KIF16B: variants seen among roughly 807,000 people sequenced by gnomAD.
The protein encoded by KIF16B is kinesin-like protein KIF16B.
In KIF16B, 98 loss-of-function variants were observed where a neutral mutation model predicts 156.3. That is an observed-to-expected ratio of 0.63 (90% CI 0.53 to 0.74). The LOEUF (loss-of-function observed/expected upper bound fraction) is 0.74, where lower values mean the gene tolerates loss of function less well. Among genes scored for constraint, KIF16B ranks in the 30% least tolerant of loss-of-function variants. KIF16B has a pLI of 0.00. For missense variants in KIF16B, 1,421 were observed against 1,606.5 expected (o/e 0.88, Z 1.97); for synonymous variants, 564 against 583.7 (o/e 0.97, Z 0.49).
At position 16,336,368 on chromosome 20, in the gene KIF16B, A is replaced by C. The variant is rs1403622063; in HGVS notation, c.3622-353T>G. Among the ~76,000 whole-genome samples, 3 of 152,348 alleles carry C rather than the reference A, an allele frequency of 2.0e-5. No homozygotes were observed. In the East Asian group the frequency reaches 5.8e-4, roughly 29 times the overall value. ...TCACTGCCTCTCAGTCATTGTTAGTATAATAACACAACAGTATATTTTGCT... is the reference window on the plus strand; with the variant it reads ...TCACTGCCTCTCAGTCATTGTTAGTCTAATAACACAACAGTATATTTTGCT... On this transcript the variant is annotated intron_variant, in intron 23 of 25. Coordinates refer to ENST00000354981, the MANE Select transcript of KIF16B (RefSeq NM_024704.5).
At chr20:16,325,377 A>AT (rs35342627) in intron 24 of KIF16B, among the ~76,000 whole-genome samples, 149,663 of 152,164 alleles carry the variant, frequency 0.98, 73,611 homozygotes, top group East Asian at 1. Flanking sequence ...ACTGTTCACG[A>AT]GATATAATTG....
rs148978909 is a variant in KIF16B at position 16,452,865 on chromosome 20, G to A, written c.1303-22883C>T. Reference sequence around the variant, plus strand: ...AAAAAAAGAAAGAAAAAAAGAAAATGCACAGAACTCAGGAAGGATGAAAAA... The same window carrying A: ...AAAAAAAGAAAGAAAAAAAGAAAATACACAGAACTCAGGAAGGATGAAAAA... On this transcript the variant is annotated intron_variant, in intron 12 of 25. Coordinates refer to ENST00000354981, the MANE Select transcript of KIF16B (RefSeq NM_024704.5). 2.6e-3 allele frequency among the ~76,000 whole-genome samples: 385 copies of A among 150,908 alleles called. 2 individuals are homozygous for A. The highest frequency in any genetic ancestry group is 8.7e-3 in the African/African-American group (359 of 41,160).
chr20:16,568,103 A>AGTAG (rs2071326862), intron 1 of KIF16B, among the ~76,000 whole-genome samples: 3 of 152,154 alleles, frequency 2.0e-5, no homozygotes, highest in Non-Finnish European at 4.4e-5. Flanking sequence ...TTTTTAAAAG[A>AGTAG]GGAAGACGTC....
intron 24 of KIF16B, among the ~76,000 whole-genome samples, chr20:16,317,876 G>A (rs944512991): frequency 2.0e-5 from 3 of 152,212 alleles, no homozygotes; most frequent in Non-Finnish European, 2.9e-5. Flanking sequence ...GCGAGCAGGG[G>A]CTGTGAGAGG....
chr20:16,430,052 C>T (rs2066458164), intron 12 of KIF16B, 70 bp from the exon 13 acceptor site: 1 of 1,423,764 alleles, frequency 7.0e-7, no homozygotes, highest in Non-Finnish European at 9.4e-7. Flanking sequence ...AGGTGTTCTT[C>T]AGATTGTCAG....
At chr20:16,362,790 T>C (rs772247552) in intron 22 of KIF16B, among the ~76,000 whole-genome samples, 8 of 152,216 alleles carry the variant, frequency 5.3e-5, no homozygotes, top group East Asian at 1.9e-4. Context: ...AGGAACAAAA[T>C]ATGAGCAAGA....
At chr20:16,485,386 T>C (rs1412032259) in intron 12 of KIF16B, among the ~76,000 whole-genome samples, 1 of 152,196 alleles carries the variant, frequency 6.6e-6, no homozygotes, top group African/African-American at 2.4e-5. Context: ...TTCTCAAAAA[T>C]GGGAGAACAA....
intron 1 of KIF16B, among the ~76,000 whole-genome samples, chr20:16,571,699 G>A (rs935278693): frequency 3.3e-5 from 5 of 151,258 alleles, no homozygotes; most frequent in Admixed American, 1.3e-4. Flanking sequence ...GCACGGTGTC[G>A]GCTCACTGCC....
At chr20:16,435,163 C>A (rs1266276609) in intron 12 of KIF16B, among the ~76,000 whole-genome samples, 1 of 152,160 alleles carries the variant, frequency 6.6e-6, no homozygotes, top group Non-Finnish European at 1.5e-5. Context: ...AACATAATCA[C>A]AGTGCATATA....
At chr20:16,330,691 A>G (rs2063932723) in intron 24 of KIF16B, among the ~76,000 whole-genome samples, 1 of 152,194 alleles carries the variant, frequency 6.6e-6, no homozygotes, top group East Asian at 1.9e-4. Context: ...GGTAAAAATG[A>G]CACCCCTGAC....
At chr20:16,538,450 T>C (rs1288732670) in intron 1 of KIF16B, among the ~76,000 whole-genome samples, 1 of 152,184 alleles carries the variant, frequency 6.6e-6, no homozygotes, top group African/African-American at 2.4e-5. Context: ...CTGGCCACTT[T>C]GGTGAATTGG....
At chr20:16,418,624 G>T (rs973193479) in intron 15 of KIF16B, among the ~76,000 whole-genome samples, 33 of 152,130 alleles carry the variant, frequency 2.2e-4, no homozygotes, top group Admixed American at 2.0e-3. Context: ...TCTACAGGGT[G>T]CACAGTGAAT....
intron 21 of KIF16B, 128 bp downstream of exon 21, chr20:16,371,537 C>A: frequency 1.7e-6 from 1 of 593,638 alleles, no homozygotes. Context: ...TTGCAGTGAG[C>A]CAAGATGGTG....
At chr20:16,446,520 A>G (rs570896698) in intron 12 of KIF16B, among the ~76,000 whole-genome samples, 1 of 152,326 alleles carries the variant, frequency 6.6e-6, no homozygotes, top group Non-Finnish European at 1.5e-5. Flanking sequence ...GCATCCTTAC[A>G]TGCCTTGATA....
At position 16,503,953 on chromosome 20, in the gene KIF16B, T is replaced by C. The variant is rs984103912; in HGVS notation, c.1176+419A>G. Among the ~76,000 whole-genome samples the C allele has an allele frequency of 2.0e-5, 3 of 152,222 alleles. No individual in the cohort carries two copies. The East Asian group carries it at 5.8e-4, about 29-fold the overall frequency. On this transcript the variant is annotated intron_variant, in intron 10 of 25. Transcript: ENST00000354981. ...AGAACCACCTCTCTAATAGGTGATA[T>C]GACACAGGCATTCAGAAAGGTGTTC...
rs12625709 is a variant in KIF16B at position 16,321,278 on chromosome 20, C to T, written c.3712-8860G>A. ...TGTAAAATTTTTATAAATGAACATGCATCATTTTTATAGAAACAGTAAAAA... is the reference window on the plus strand; with the variant it reads ...TGTAAAATTTTTATAAATGAACATGTATCATTTTTATAGAAACAGTAAAAA... On this transcript the variant is annotated intron_variant, in intron 24 of 25. Coordinates refer to ENST00000354981, the MANE Select transcript of KIF16B (RefSeq NM_024704.5). Among the ~76,000 whole-genome samples, 323 of 152,054 alleles carry T rather than the reference C, an allele frequency of 2.1e-3. 4 individuals carry two copies. In the East Asian group the frequency reaches 0.029, roughly 14 times the overall value.
At chr20:16,416,353 T>G (rs1290487224) in intron 15 of KIF16B, among the ~76,000 whole-genome samples, 1 of 152,204 alleles carries the variant, frequency 6.6e-6, no homozygotes, top group African/African-American at 2.4e-5. Flanking sequence ...GTTTTACATT[T>G]AAGTCTTTAA....
chr20:16,516,049 T>C (rs1358891215), intron 3 of KIF16B, among the ~76,000 whole-genome samples: 2 of 152,118 alleles, frequency 1.3e-5, no homozygotes, highest in Non-Finnish European at 2.9e-5. Context: ...AGAAACAAAA[T>C]ACTCAAAACC....
Position 16,505,761 on chromosome 20 carries a change from C to A in KIF16B, c.961G>T (p.Asp321Tyr). The A allele has an allele frequency of 6.2e-7, 1 of 1,613,910 alleles. No homozygotes were observed. Among genetic ancestry groups the A allele is most frequent in the Non-Finnish European group, 8.5e-7 (1 of 1,179,856 alleles). The change falls in exon 9 of 26, where the codon GAT becomes TAT. Residue 321 changes from aspartate (D) to tyrosine (Y), a missense_variant. Physicochemically the swap from Asp to Tyr is radical, Grantham distance 160 (BLOSUM62 -3). Transcript: ENST00000354981. ...RDSVLTWLLK[D>Y]SLGGNSKTIM... ...GTTTTAGAGTTTCCTCCAAGGCTATCTTTTAACAACCAAGTCAACACAGAA... is the reference window on the plus strand; with the variant it reads ...GTTTTAGAGTTTCCTCCAAGGCTATATTTTAACAACCAAGTCAACACAGAA...
Sources: allele counts gnomAD v4.1 joint callset (sites outside exome capture counted in the v4.1 genomes callset), GRCh38; gene constraint gnomAD v4.1.1; transcripts MANE v1.5; gene names NCBI Gene and HGNC (gene_info 2026-07-23, HGNC 2026-07-21).